The following KMT2B variants were observed in gnomAD, a reference collection of about 807,000 sequenced individuals.
KMT2B encodes the protein histone-lysine N-methyltransferase 2B.
Under a neutral mutation model 255.3 loss-of-function variants are expected in KMT2B, and 22 were observed. The ratio of observed to expected loss-of-function variants is 0.09; its 90% CI spans 0.06 to 0.12. The LOEUF is 0.12. Ranked by LOEUF, KMT2B falls within the 10% of genes least tolerant of loss-of-function variation. The probability of loss-of-function intolerance (pLI) is 1.00; values close to 1 mark genes in which losing one functional copy is unlikely to be tolerated. For missense variants in KMT2B, 3,149 were observed against 3,737.0 expected (o/e 0.84, Z 4.10); for synonymous variants, 1,730 against 1,498.1 (o/e 1.15, Z -3.57).
rs775019012 is a variant in KMT2B at position 35,732,567 on chromosome 19, G to A, written c.6018G>A (p.Glu2006=). Residue 2006 remains glutamate (E), a synonymous_variant, in exon 28 of 37, where the codon GAG becomes GAA. Transcript: ENST00000420124. ...TGGGGACTGAGCCCTTCCAGGAAGA[G>A]ATTGTAGCCGCTGGGGCCATGGGGA... ...SLLGTEPFQE[E]IVAAGAMGSS... 3.1e-6 allele frequency: 5 copies of A among 1,613,410 alleles called. No homozygotes were observed. The highest frequency in any genetic ancestry group is 4.2e-6 in the Non-Finnish European group (5 of 1,179,836).
At position 35,733,904 on chromosome 19, in the gene KMT2B, C is replaced by A. The variant is rs1421257395; in HGVS notation, c.7159+32C>A. On this transcript the variant is annotated intron_variant, in intron 30 of 36. Coordinates refer to ENST00000420124, the MANE Select transcript of KMT2B (RefSeq NM_014727.3). The surrounding 1 kb of genome is among the most constrained non-coding windows in gnomAD (Gnocchi z 4.3). ...ACCGGCCTTGCCCTCTCCCTCCTTG[C>A]CTGTGCCTGGCTCAGCTGGGTGACT... The A allele has an allele frequency of 1.3e-6, 2 of 1,503,202 alleles. No individual in the cohort carries two copies. Among genetic ancestry groups the A allele is most frequent in the African/African-American group, 1.4e-5 (1 of 71,986 alleles). 93.1% of individuals were successfully genotyped at this position (1,503,202 alleles called of 1,614,324 possible). A position where few individuals can be genotyped will look rare whatever the true frequency, so the allele number is the denominator to read the frequency against.
In KMT2B at chr19:35,723,965, G is replaced by C; in HGVS notation, c.3292G>C (p.Gly1098Arg). The change falls in exon 8 of 37, where the codon GGG becomes CGG. Residue 1098 changes from glycine to arginine, a missense_variant. Transcript: ENST00000420124. This position sits in a 1 kb window ranked among gnomAD's most constrained non-coding sequence, Gnocchi z 7.5. Reference protein sequence around the residue: ...IFEDSDDSEPGGPPAPRRRTP... With the variant: ...IFEDSDDSEPRGPPAPRRRTP... ...CGAGGATTCGGATGACTCGGAGCCCGGGGGCCCCCCTGCTCCTCGGCGTCG... is the reference window on the plus strand; with the variant it reads ...CGAGGATTCGGATGACTCGGAGCCCCGGGGCCCCCCTGCTCCTCGGCGTCG... The C allele has an allele frequency of 1.2e-6, 2 of 1,604,940 alleles. No homozygotes were observed. Among genetic ancestry groups the C allele is most frequent in the Admixed American group, 1.7e-5 (1 of 58,936 alleles).
At position 35,723,711 on chromosome 19, in the gene KMT2B, C is replaced by T. The variant is rs535015978; in HGVS notation, c.3059-21C>T. ...TGTCCCTGGCTGAGCTCAAATCCTACTAAGTCCCCTGTTCCCGCAGGCCGG... is the reference window on the plus strand; with the variant it reads ...TGTCCCTGGCTGAGCTCAAATCCTATTAAGTCCCCTGTTCCCGCAGGCCGG... On this transcript the variant is annotated intron_variant, in intron 7 of 36. Transcript: ENST00000420124. The surrounding 1 kb of genome is among the most constrained non-coding windows in gnomAD (Gnocchi z 7.5). The T allele has an allele frequency of 4.6e-6, 7 of 1,517,588 alleles. No homozygotes were observed. The East Asian group carries it at 1.6e-4, about 35-fold the overall frequency. 94.0% of individuals were successfully genotyped at this position (1,517,588 alleles called of 1,614,324 possible). A position where few individuals can be genotyped will look rare whatever the true frequency, so the allele number is the denominator to read the frequency against.
In KMT2B at chr19:35,737,672, C is replaced by T. The variant is rs1460214334; in HGVS notation, c.7587C>T (p.Ser2529=). 2 of 1,574,602 alleles carry T rather than the reference C, an allele frequency of 1.3e-6. No homozygotes were observed. The highest frequency in any genetic ancestry group is 2.3e-5 in the East Asian group (1 of 42,988). Residue 2529 remains serine, a synonymous_variant, in exon 34 of 37, where the codon TCC becomes TCT. Transcript: ENST00000420124. The surrounding 1 kb of genome is among the most constrained non-coding windows in gnomAD (Gnocchi z 5.3). ...TTGACATGTTCAACTTCCTGGCCTCCCAGCACCGGGTGCTCCCTGAGGGGG... is the reference window on the plus strand; with the variant it reads ...TTGACATGTTCAACTTCCTGGCCTCTCAGCACCGGGTGCTCCCTGAGGGGG... ...CTFDMFNFLA[S]QHRVLPEGAT...
Position 35,737,007 on chromosome 19 carries a change from G to T in KMT2B, c.7372+21G>T, listed in dbSNP as rs559838858. ...TAGTGGTAAGGAGTGGGCCCCACAGGGGGCAGGGAGCTGGATGTCTCCCCG... is the reference window on the plus strand; with the variant it reads ...TAGTGGTAAGGAGTGGGCCCCACAGTGGGCAGGGAGCTGGATGTCTCCCCG... On this transcript the variant is annotated intron_variant, in intron 32 of 36. Transcript: ENST00000420124. This position sits in a 1 kb window ranked among gnomAD's most constrained non-coding sequence, Gnocchi z 5.3. 268 of 1,612,146 alleles carry T rather than the reference G, an allele frequency of 1.7e-4. 4 individuals carry two copies. In the South Asian group the frequency reaches 2.9e-3, roughly 17 times the overall value.
rs80216638 is a variant in KMT2B, at chr19:35,720,840, C to A, written c.1493C>A (p.Thr498Asn). The change falls in exon 3 of 37, where the codon ACC (threonine) becomes AAC (asparagine). Residue 498 changes from threonine to asparagine, a missense_variant. By Grantham distance (65) the Thr-to-Asn change is moderately conservative (BLOSUM62 0). Coordinates refer to ENST00000420124, the MANE Select transcript of KMT2B (RefSeq NM_014727.3). Reference protein sequence around the residue: ...GPEGTSPPTPTPSTATGGPPE... With the variant: ...GPEGTSPPTPNPSTATGGPPE... ...GAGGGCACCTCTCCTCCCACTCCAACCCCCAGCACCGCCACGGGAGGCCCT... is the reference window on the plus strand; with the variant it reads ...GAGGGCACCTCTCCTCCCACTCCAAACCCCAGCACCGCCACGGGAGGCCCT... 72,221 of 1,557,214 alleles carry A rather than the reference C, an allele frequency of 0.046. 1,810 individuals carry two copies. The highest frequency in any genetic ancestry group is 0.057 in the African/African-American group (4,150 of 73,358).
In KMT2B at chr19:35,718,351, G is replaced by A; in HGVS notation, c.333G>A (p.Glu111=). 7.9e-7 allele frequency: 1 copy of A among 1,266,690 alleles called. No individual in the cohort carries two copies. The highest frequency in any genetic ancestry group is 1.0e-6 in the Non-Finnish European group (1 of 999,602). 78.5% of individuals were successfully genotyped at this position (1,266,690 alleles called of 1,614,324 possible). The change falls in exon 1 of 37, where the codon GAG becomes GAA. Residue 111 remains glutamate (E), a synonymous_variant. Coordinates refer to ENST00000420124, the MANE Select transcript of KMT2B (RefSeq NM_014727.3). This position sits in a 1 kb window ranked among gnomAD's most constrained non-coding sequence, Gnocchi z 5.0. ...CGAGTCGAGGCTGCGTGCCGGAGGA[G>A]GAGAGCAGTGACGGGGAATCCGACG... The part of the protein sequence containing the change: ...WGPSRGCVPE[E]ESSDGESDEE...
In KMT2B at chr19:35,723,679, T is replaced by C; in HGVS notation, c.3059-53T>C. The C allele has an allele frequency of 6.9e-6, 10 of 1,449,674 alleles. No individual in the cohort carries two copies. In the South Asian group the frequency reaches 1.4e-4, roughly 20 times the overall value. The allele number at this position is 1,449,674 out of a possible 1,614,324, so 89.8% of individuals were successfully genotyped here. Reference sequence around the variant, plus strand: ...CGCTTCTTTCTGGCTTCTCTCCCAGTGTCCCATGTCCCTGGCTGAGCTCAA... The same window carrying C: ...CGCTTCTTTCTGGCTTCTCTCCCAGCGTCCCATGTCCCTGGCTGAGCTCAA... On this transcript the variant is annotated intron_variant, in intron 7 of 36. Coordinates refer to ENST00000420124, the MANE Select transcript of KMT2B (RefSeq NM_014727.3). The surrounding 1 kb of genome is among the most constrained non-coding windows in gnomAD (Gnocchi z 7.5).
rs1232905309 is a variant in KMT2B at position 35,733,580 on chromosome 19, C to T, written c.6960-17C>T. 1.3e-5 allele frequency: 20 copies of T among 1,562,046 alleles called. No individual in the cohort carries two copies. The highest frequency in any genetic ancestry group is 3.3e-4 in the Middle Eastern group (2 of 5,976). ...GGCGGGAGATGCGGCTCATCCTTCT[C>T]GGGCTCGCCCTCCCAGGTTTAGCCG... On this transcript the variant is annotated splice_polypyrimidine_tract_variant and intron_variant, in intron 28 of 36. Transcript: ENST00000420124. This position sits in a 1 kb window ranked among gnomAD's most constrained non-coding sequence, Gnocchi z 4.3.
In KMT2B at chr19:35,718,400, TC is replaced by T. The variant is rs1425318420; in HGVS notation, c.363+23del. 3 of 1,253,442 alleles carry T rather than the reference TC, an allele frequency of 2.4e-6. No homozygotes were observed. The highest frequency in any genetic ancestry group is 3.8e-5 in the Admixed American group (1 of 26,038). 77.6% of individuals were successfully genotyped at this position (1,253,442 alleles called of 1,614,324 possible). ...CGAGGAGGTGAGGCGGTTGGAGGCG[TC>T]CCCGGCGCCGGGTGGGGCGGAGGCC... On this transcript the variant is annotated intron_variant, in intron 1 of 36. Coordinates refer to ENST00000420124, the MANE Select transcript of KMT2B (RefSeq NM_014727.3). This position sits in a 1 kb window ranked among gnomAD's most constrained non-coding sequence, Gnocchi z 5.0.
chr19:35,724,004 A>C lies in KMT2B; in HGVS notation c.3331A>C (p.Asn1111His), dbSNP rs111665475. 26 of 1,585,506 alleles carry C rather than the reference A, an allele frequency of 1.6e-5. No individual in the cohort carries two copies. In the African/African-American group the frequency reaches 2.7e-4, roughly 17 times the overall value. The change falls in exon 8 of 37, where the codon AAT (asparagine) becomes CAT (histidine). Residue 1111 changes from asparagine (N) to histidine (H), a missense_variant. Physicochemically the swap from Asn to His is moderately conservative, Grantham distance 68. Around this residue, in one of 18 missense-constraint regions of KMT2B, gnomAD observed 136 missense variants for 137.3 expected, o/e 0.99. Coordinates refer to ENST00000420124, the MANE Select transcript of KMT2B (RefSeq NM_014727.3). ...TCCTCGGCGTCGGACCCCCCGAGAA[A>C]ATGGTGCGAACTGCTTAATGCTTTC... The part of the protein sequence containing the change: ...PAPRRRTPRE[N>H]ELPLPEPEEQ...
intron 8 of KMT2B, 53 bp from the exon 9 acceptor site, chr19:35,724,584 A>G: frequency 7.0e-7 from 1 of 1,426,666 alleles, no homozygotes; most frequent in Non-Finnish European, 9.7e-7. Flanking sequence ...GGGTTGTAGA[A>G]GAAGAGGGGC....
At chr19:35,724,160 A>G (rs1969332177) in intron 8 of KMT2B, among the ~76,000 whole-genome samples, 153 bp downstream of exon 8, 2 of 152,192 alleles carry the variant, frequency 1.3e-5, no homozygotes, top group Non-Finnish European at 2.9e-5. Flanking sequence ...GTGGATGTAC[A>G]GAACTGGCCT....
At chr19:35,726,574 C>A (rs1257982762) in intron 14 of KMT2B, among the ~76,000 whole-genome samples, 2 of 152,124 alleles carry the variant, frequency 1.3e-5, no homozygotes, top group Admixed American at 6.5e-5. Context: ...CCTGGGACCC[C>A]ACTGTCTTGG....
At position 35,730,745 on chromosome 19, in the gene KMT2B, G is replaced by A; in HGVS notation, c.5315G>A (p.Arg1772Lys). The A allele has an allele frequency of 4.3e-6, 7 of 1,613,924 alleles. No homozygotes were observed. The highest frequency in any genetic ancestry group is 2.2e-5 in the East Asian group (1 of 44,888). The change falls in exon 26 of 37, where the codon AGG (arginine) becomes AAG (lysine). Residue 1772 changes from arginine (R) to lysine (K), a missense_variant. Physicochemically the swap from Arg to Lys is conservative, Grantham distance 26. Around this residue, in one of 18 missense-constraint regions of KMT2B, gnomAD observed 34 missense variants for 51.6 expected, o/e 0.66. Coordinates refer to ENST00000420124, the MANE Select transcript of KMT2B (RefSeq NM_014727.3). Reference protein sequence around the residue: ...RLYWSTVDARRRCWYRCRILE... With the variant: ...RLYWSTVDARKRCWYRCRILE... ...TACTGGAGCACAGTGGATGCTCGGA[G>A]GCGCTGCTGGTATCGGTGCCGAATT...
chr19:35,728,692 C>A, intron 19 of KMT2B, 82 bp from the exon 20 acceptor site: 1 of 990,600 alleles, frequency 1.0e-6, no homozygotes, highest in Non-Finnish European at 1.6e-6. Flanking sequence ...GGTGTCATGG[C>A]GAGTTCAGGC....
intron 9 of KMT2B, 36 bp downstream of exon 9, chr19:35,724,767 A>G (rs1203268401): frequency 6.5e-7 from 1 of 1,527,986 alleles, no homozygotes; most frequent in Admixed American, 1.9e-5. Context: ...CCTTCCCTCC[A>G]GGAGCTACCT....
Position 35,729,310 on chromosome 19 carries a change from C to T in KMT2B, c.4917+14C>T, listed in dbSNP as rs371458146. The T allele has an allele frequency of 9.3e-5, 147 of 1,584,392 alleles. No homozygotes were observed. Among genetic ancestry groups the T allele is most frequent in the African/African-American group, 5.4e-4 (40 of 74,490 alleles). On this transcript the variant is annotated intron_variant, in intron 22 of 36. Coordinates refer to ENST00000420124, the MANE Select transcript of KMT2B (RefSeq NM_014727.3). ...GGGAGGCAGATGGTGAGGGCGCGGG[C>T]GCAGAGAGGTGGACAGCTCTCTGGC...
rs928165563 is a variant in KMT2B at position 35,724,692 on chromosome 19, G to T, written c.3390G>T (p.Gln1130His). 1 of 1,601,486 alleles carries T rather than the reference G, an allele frequency of 6.2e-7. No homozygotes were observed. Among genetic ancestry groups the T allele is most frequent in the Non-Finnish European group, 8.5e-7 (1 of 1,174,408 alleles). The change falls in exon 9 of 37, where the codon CAG (glutamine) becomes CAT (histidine). Residue 1130 changes from glutamine (Q) to histidine (H), a missense_variant. By Grantham distance (24) the Gln-to-His change is conservative (BLOSUM62 0). Transcript: ENST00000420124. ...GCCGGCCCCGCAAACCTACCCTGCA[G>T]CCTGTGTTGCAGCTCAAGGCCCGAA... is the stretch of plus-strand genomic sequence containing the variant. ...EQSRPRKPTL[Q>H]PVLQLKARRR... is the part of the protein sequence containing the mutation.
Sources: allele counts gnomAD v4.1 joint callset (sites outside exome capture counted in the v4.1 genomes callset), GRCh38; gene constraint gnomAD v4.1.1; regional missense constraint gnomAD v4.1.1; non-coding constraint Gnocchi (gnomAD v3.1); transcripts MANE v1.5; gene names NCBI Gene and HGNC (gene_info 2026-07-23, HGNC 2026-07-21).